Variants in GPR143 observed in about 807,000 individuals in gnomAD.
GPR143 encodes the protein G-protein coupled receptor 143.
Under a neutral mutation model 27.6 loss-of-function variants are expected in GPR143, and 8 were observed. The observed-to-expected ratio is 0.29, with a 90% CI of 0.17 to 0.52. The LOEUF (loss-of-function observed/expected upper bound fraction) is 0.52, where lower values mean the gene tolerates loss of function less well. GPR143 is among the 20% of genes least tolerant of loss of function. The probability of loss-of-function intolerance (pLI) is 0.96; values close to 1 mark genes in which losing one functional copy is unlikely to be tolerated. For synonymous variants in GPR143, 156 were observed against 153.2 expected, an observed-to-expected ratio of 1.02 and a Z score of -0.13; for missense variants, 303 against 343.1, an observed-to-expected ratio of 0.88 and a Z score of 0.92.
chrX:9,778,289 CCT>C (rs772785990), intron 1 of GPR143, among the ~76,000 whole-genome samples: 30 of 111,612 alleles, frequency 2.7e-4, no homozygotes, highest in African/African-American at 7.8e-4. Flanking sequence ...GTGTCCTCTC[CCT>C]GAGAGACCCA....
At chrX:9,768,462 C>T (rs769751187), upstream of GPR143, among the ~76,000 whole-genome samples, 24 of 111,612 alleles carry the variant, frequency 2.2e-4, no homozygotes, top group African/African-American at 7.2e-4. Context: ...GAGCCTCCTG[C>T]CTGCCTTCTG....
chrX:9,736,957 C>A (rs773670933), intron 8 of GPR143, among the ~76,000 whole-genome samples: 13 of 111,913 alleles, frequency 1.2e-4, no homozygotes, highest in African/African-American at 4.2e-4. Context: ...CCACTCAGCT[C>A]CTAGTACACA....
chrX:9,770,741 G>T (rs1279925136), upstream of GPR143, among the ~76,000 whole-genome samples: 1 of 111,379 alleles, frequency 9.0e-6, no homozygotes, highest in Non-Finnish European at 1.9e-5. Flanking sequence ...GCCTCACCCT[G>T]CTTTTGTGCT....
At chrX:9,771,215 T>C (rs969471877) in intron 1 of GPR143, among the ~76,000 whole-genome samples, 1 of 111,354 alleles carries the variant, frequency 9.0e-6, no homozygotes, top group Non-Finnish European at 1.9e-5. Context: ...TACACCATCA[T>C]GTCTGGCTAA....
At chrX:9,732,064 G>A (rs981960151) in intron 8 of GPR143, among the ~76,000 whole-genome samples, 1 of 112,096 alleles carries the variant, frequency 8.9e-6, no homozygotes, top group Non-Finnish European at 1.9e-5. Flanking sequence ...ATAAAAAATT[G>A]TAGGAGAAAT....
At chrX:9,765,858 C>T (rs180998522), upstream of GPR143, 927 of 1,029,126 alleles carry the variant, frequency 9.0e-4, 6 homozygotes, top group African/African-American at 0.013. Flanking sequence ...GCCAGGACCC[C>T]GCCGGCCTGC....
chrX:9,733,473 TGTG>T lies in GPR143; in HGVS notation c.1120+6009_1120+6011del, dbSNP rs2083364861. ...GACTCAAGGTACTGTGTAACAGAAT[TGTG>T]GGAAAGACAAGGCTTGTGCGAGATT... is the stretch of plus-strand genomic sequence containing the variant. On this transcript the variant is annotated intron_variant, in intron 8 of 8. Transcript: ENST00000467482. Among the ~76,000 whole-genome samples, 3 of 110,281 alleles carry T rather than the reference TGTG, an allele frequency of 2.7e-5. No homozygotes were observed. The Admixed American group carries it at 2.9e-4, about 11-fold the overall frequency.
Position 9,725,558 on chromosome X carries a change from G to T in GPR143, c.*188C>A, listed in dbSNP as rs761181876. On this transcript the variant is annotated 3_prime_UTR_variant, in exon 9 of 9. Coordinates refer to ENST00000467482, the MANE Select transcript of GPR143 (RefSeq NM_000273.3). Reference sequence around the variant, plus strand: ...GGAGGGGGCTCTTCCATTCTCACACGTGTGTGCATGAACCCTTTCTCCTAT... The same window carrying T: ...GGAGGGGGCTCTTCCATTCTCACACTTGTGTGCATGAACCCTTTCTCCTAT... 1.9e-5 allele frequency: 8 copies of T among 421,980 alleles called. No homozygotes were observed. The highest frequency in any genetic ancestry group is 3.3e-5 in the Non-Finnish European group (8 of 241,158). The allele number at this position is 421,980 out of a possible 1,213,427, so 34.8% of individuals were successfully genotyped here.
At chrX:9,738,784 C>T (rs758817524) in intron 8 of GPR143, among the ~76,000 whole-genome samples, 1 of 111,727 alleles carries the variant, frequency 9.0e-6, no homozygotes, top group African/African-American at 3.3e-5. Context: ...GCCTCCATGC[C>T]GGCTAATTTT....
intron 7 of GPR143, 72 bp from the exon 8 acceptor site, chrX:9,739,791 G>C: frequency 1.0e-5 from 7 of 691,736 alleles, no homozygotes; most frequent in Non-Finnish European, 1.6e-5. Context: ...GGCTGTCACA[G>C]AGTGACACAC....
intron 3 of GPR143, among the ~76,000 whole-genome samples, chrX:9,749,913 C>T (rs186488564): frequency 3.3e-3 from 374 of 112,396 alleles, no homozygotes; most frequent in Non-Finnish European, 5.8e-3. Context: ...CACAGGCACA[C>T]GCCATCATGC....
At chrX:9,751,803 A>C (rs1226517835) in intron 3 of GPR143, among the ~76,000 whole-genome samples, 1 of 112,972 alleles carries the variant, frequency 8.9e-6, no homozygotes, top group Non-Finnish European at 1.9e-5. Flanking sequence ...AGAATCACAG[A>C]GTTGTATCAG....
Position 9,739,546 on chromosome X carries a change from G to A in GPR143, c.1059C>T (p.Ser353=), listed in dbSNP as rs763113825. The change falls in exon 8 of 9, where the codon TCC becomes TCT. Residue 353 remains serine, a synonymous_variant. Transcript: ENST00000467482. The part of the protein sequence containing the change: ...SPLMPHENPA[S]GKVSQVGGQT... ...GCCCACCCACTTGAGACACCTTCCC[G>A]GAAGCAGGGTTTTCATGGGGCATCA... 81 of 1,209,665 alleles carry A rather than the reference G, an allele frequency of 6.7e-5. No individual in the cohort carries two copies. Among genetic ancestry groups the A allele is most frequent in the South Asian group, 4.9e-4 (28 of 56,713 alleles).
intron 1 of GPR143, among the ~76,000 whole-genome samples, chrX:9,775,804 T>A: frequency 8.9e-6 from 1 of 112,243 alleles, no homozygotes; most frequent in Admixed American, 9.5e-5. Context: ...TAAGTGCAAC[T>A]GTGGTTTCAA....
intron 1 of GPR143, among the ~76,000 whole-genome samples, chrX:9,761,976 A>G (rs893925334): frequency 1.8e-5 from 2 of 112,062 alleles, no homozygotes; most frequent in Non-Finnish European, 3.8e-5. Context: ...GGTCCCAGCT[A>G]CTCAGGAGGC....
intron 8 of GPR143, among the ~76,000 whole-genome samples, chrX:9,728,909 G>A (rs1324987727): frequency 4.5e-5 from 5 of 111,075 alleles, no homozygotes; most frequent in East Asian, 2.8e-4. Flanking sequence ...GGGAGGACAC[G>A]ACACTCAGAT....
chrX:9,741,003 G>T (rs911874626), intron 7 of GPR143: 3 of 280,823 alleles, frequency 1.1e-5, no homozygotes, highest in Non-Finnish European at 1.9e-5. Context: ...ACTAAGGCCA[G>T]GAGCCTATTT....
intron 3 of GPR143, among the ~76,000 whole-genome samples, chrX:9,755,604 G>T (rs758301167): frequency 9.0e-6 from 1 of 110,672 alleles, no homozygotes; most frequent in Non-Finnish European, 1.9e-5. Context: ...CTATTGCATT[G>T]CATTGCTCTC....
chrX:9,749,272 A>G (rs1391206822), intron 3 of GPR143, among the ~76,000 whole-genome samples: 1 of 86,644 alleles, frequency 1.2e-5, no homozygotes, highest in Admixed American at 1.6e-4. Context: ...CTGCCTTGTG[A>G]AGAAGGTGTC....
Sources: allele counts gnomAD v4.1 joint callset (sites outside exome capture counted in the v4.1 genomes callset), GRCh38; gene constraint gnomAD v4.1.1; transcripts MANE v1.5; gene names NCBI Gene and HGNC (gene_info 2026-07-23, HGNC 2026-07-21).